The following CTDP1 variants were observed in gnomAD, a reference collection of about 807,000 sequenced individuals.
The protein encoded by CTDP1 is RNA polymerase II subunit A C-terminal domain phosphatase.
In CTDP1, 47 loss-of-function variants were observed where a neutral mutation model predicts 91.8. That is an observed-to-expected ratio of 0.51 (90% CI 0.41 to 0.65). The LOEUF (loss-of-function observed/expected upper bound fraction) is 0.65, where lower values mean the gene tolerates loss of function less well. CTDP1 is among the 30% of genes least tolerant of loss of function. CTDP1 has a pLI of 0.00. For synonymous variants in CTDP1, 656 were observed against 598.5 expected (o/e 1.10, Z -1.40); for missense variants, 1,272 against 1,373.7 (o/e 0.93, Z 1.17).
chr18:79,751,287 G>T (rs2086994885), intron 12 of CTDP1, among the ~76,000 whole-genome samples: 1 of 149,226 alleles, frequency 6.7e-6, no homozygotes, highest in Non-Finnish European at 1.5e-5. Context: ...GCCAGGGAAG[G>T]AGGGGCTGGG....
chr18:79,743,217 T>C lies in CTDP1; in HGVS notation c.2747+6696T>C, dbSNP rs115353447. On this transcript the variant is annotated intron_variant, in intron 12 of 12. Transcript: ENST00000613122. ...TGCATTGTTGGGTTTGTAGCATGCATGGATGTGGTATCGTACAGTGAAGCA... is the reference window on the plus strand; with the variant it reads ...TGCATTGTTGGGTTTGTAGCATGCACGGATGTGGTATCGTACAGTGAAGCA... Among the ~76,000 whole-genome samples the C allele has an allele frequency of 6.9e-3, 1,052 of 152,182 alleles. 12 individuals carry two copies. Among genetic ancestry groups the C allele is most frequent in the African/African-American group, 0.024 (1,010 of 41,510 alleles).
chr18:79,708,530 C>T (rs868335668), intron 5 of CTDP1, among the ~76,000 whole-genome samples: 8 of 152,160 alleles, frequency 5.3e-5, no homozygotes, highest in East Asian at 1.9e-4. Context: ...CATTCGGATC[C>T]GGAAGTGGAC....
intron 11 of CTDP1, among the ~76,000 whole-genome samples, chr18:79,731,070 C>CT (rs1239779850): frequency 2.0e-5 from 3 of 152,028 alleles, no homozygotes. Flanking sequence ...CCTGCACCCC[C>CT]CCGTGGGCCT....
At chr18:79,723,343 C>T (rs1048159085) in intron 10 of CTDP1, among the ~76,000 whole-genome samples, 3 of 152,164 alleles carry the variant, frequency 2.0e-5, no homozygotes, top group Admixed American at 2.0e-4. Flanking sequence ...GGAGGTGGCC[C>T]CGTCTCCCCA....
At chr18:79,722,800 A>T (rs1029598355) in intron 10 of CTDP1, among the ~76,000 whole-genome samples, 1 of 152,172 alleles carries the variant, frequency 6.6e-6, no homozygotes, top group African/African-American at 2.4e-5. Context: ...ATAGTGCTGG[A>T]AGTCTGAGGA....
chr18:79,677,701 C>G (rs1274222169), upstream of CTDP1: 1 of 152,210 alleles, frequency 6.6e-6, no homozygotes, highest in African/African-American at 2.4e-5. Context: ...AAATGTTGCC[C>G]ATGCTGAGTA....
At chr18:79,738,658 A>G (rs1464133965) in intron 12 of CTDP1, among the ~76,000 whole-genome samples, 1 of 152,248 alleles carries the variant, frequency 6.6e-6, no homozygotes, top group Non-Finnish European at 1.5e-5. Context: ...CAGGCAATCC[A>G]GTTACAAAAT....
chr18:79,706,623 C>G (rs552755552), intron 5 of CTDP1, among the ~76,000 whole-genome samples: 1 of 152,072 alleles, frequency 6.6e-6, no homozygotes, highest in Non-Finnish European at 1.5e-5. Context: ...ACATACCGTT[C>G]TTTTCACATA....
At chr18:79,737,492 C>T (rs2086691936) in intron 12 of CTDP1, among the ~76,000 whole-genome samples, 1 of 152,190 alleles carries the variant, frequency 6.6e-6, no homozygotes, top group Admixed American at 6.5e-5. Flanking sequence ...CATCATCTTT[C>T]TCCACTAATC....
chr18:79,721,777 T>C (rs2086349355), intron 10 of CTDP1, among the ~76,000 whole-genome samples: 1 of 152,120 alleles, frequency 6.6e-6, no homozygotes, highest in Non-Finnish European at 1.5e-5. Flanking sequence ...CTTAATAATT[T>C]AAAATAAAAT....
At position 79,740,263 on chromosome 18, in the gene CTDP1, C is replaced by T. The variant is rs187457506; in HGVS notation, c.2747+3742C>T. Among the ~76,000 whole-genome samples the T allele has an allele frequency of 6.2e-3, 936 of 152,026 alleles. 8 individuals are homozygous for T. Among genetic ancestry groups the T allele is most frequent in the African/African-American group, 0.021 (878 of 41,328 alleles). ...CCTGCCGTTTGCGGATCGCTGTGGA[C>T]GTGTGGCCGCGATAGCAGCCTGACT... On this transcript the variant is annotated intron_variant, in intron 12 of 12. Transcript: ENST00000613122.
chr18:79,680,662 C>T lies in CTDP1; in HGVS notation c.314+401C>T, dbSNP rs560639186. ...TGAAATATAAACTGTTGGGTGTGTG[C>T]ACATCTTTAAATTTTTGTAAACTTT... is the stretch of plus-strand genomic sequence containing the variant. On this transcript the variant is annotated intron_variant, in intron 1 of 12. Coordinates refer to ENST00000613122, the MANE Select transcript of CTDP1 (RefSeq NM_004715.5). Among the ~76,000 whole-genome samples, 9 of 152,322 alleles carry T rather than the reference C, an allele frequency of 5.9e-5. No homozygotes were observed. The South Asian group carries it at 1.9e-3, about 32-fold the overall frequency.
At chr18:79,704,744 A>G (rs1172559552) in intron 4 of CTDP1, 23 bp from the exon 5 acceptor site, 1 of 1,612,544 alleles carries the variant, frequency 6.2e-7, no homozygotes, top group Non-Finnish European at 8.5e-7. Context: ...TTTTCTCCCG[A>G]CTGTTGCTAC....
At chr18:79,723,317 T>C (rs1416255191) in intron 10 of CTDP1, among the ~76,000 whole-genome samples, 1 of 152,124 alleles carries the variant, frequency 6.6e-6, no homozygotes, top group Non-Finnish European at 1.5e-5. Flanking sequence ...GTTGTGTGCA[T>C]TGGTTGTGCT....
chr18:79,715,846 C>T (rs570891621), intron 8 of CTDP1, among the ~76,000 whole-genome samples: 3 of 152,256 alleles, frequency 2.0e-5, no homozygotes, highest in African/African-American at 4.8e-5. Context: ...TGGAGAAATT[C>T]GAGGCAGGAA....
intron 1 of CTDP1, among the ~76,000 whole-genome samples, chr18:79,687,230 A>C (rs1322440729): frequency 1.1e-4 from 11 of 102,670 alleles, no homozygotes; most frequent in African/African-American, 1.2e-4. Context: ...ACTGGTGGGC[A>C]TGCACCGCAG....
chr18:79,678,916 T>G (rs1371697842), upstream of CTDP1: 1 of 179,958 alleles, frequency 5.6e-6, no homozygotes, highest in Non-Finnish European at 1.2e-5. Context: ...CAGGCTCAGG[T>G]GATCCGCCCG....
At chr18:79,748,853 CTG>C (rs1721269938) in intron 12 of CTDP1, among the ~76,000 whole-genome samples, 1 of 151,714 alleles carries the variant, frequency 6.6e-6, no homozygotes, top group Admixed American at 6.6e-5. Context: ...TGAGCCGTGT[CTG>C]TGTGTGAGCC....
At chr18:79,712,905 C>T in intron 6 of CTDP1, 67 bp from the exon 7 acceptor site, 1 of 1,546,896 alleles carries the variant, frequency 6.5e-7, no homozygotes, top group Non-Finnish European at 8.9e-7. Flanking sequence ...AACTGTTACG[C>T]TTGGCAAGAT....
Sources: allele counts gnomAD v4.1 joint callset (sites outside exome capture counted in the v4.1 genomes callset), GRCh38; gene constraint gnomAD v4.1.1; transcripts MANE v1.5; gene names NCBI Gene and HGNC (gene_info 2026-07-23, HGNC 2026-07-21).